VPS13D: variants seen among roughly 807,000 people sequenced by gnomAD.
The protein encoded by VPS13D is vacuolar protein sorting 13 homolog D.
VPS13D carries 187 observed loss-of-function variants against 461.9 expected under a neutral mutation model. That is an observed-to-expected ratio of 0.40 (90% CI 0.36 to 0.46). The LOEUF (loss-of-function observed/expected upper bound fraction) is 0.46, where lower values mean the gene tolerates loss of function less well. Ranked by LOEUF, VPS13D falls within the 20% of genes least tolerant of loss-of-function variation. The probability of loss-of-function intolerance (pLI) is 0.60; values close to 1 mark genes in which losing one functional copy is unlikely to be tolerated. For synonymous variants in VPS13D, 1,951 were observed against 1,986.3 expected (o/e 0.98, Z 0.47); for missense variants, 4,711 against 5,364.9 (o/e 0.88, Z 3.81).
intron 67 of VPS13D, among the ~76,000 whole-genome samples, chr1:12,477,803 T>C (rs2100471838): frequency 6.6e-6 from 1 of 152,308 alleles, no homozygotes; most frequent in African/African-American, 2.4e-5. Flanking sequence ...AATTTTTTTT[T>C]TCTACATTAA....
chr1:12,242,466 A>G (rs751124443), intron 2 of VPS13D, 47 bp from the exon 3 acceptor site: 20 of 1,534,080 alleles, frequency 1.3e-5, no homozygotes, highest in Non-Finnish European at 1.7e-5. Flanking sequence ...TAGGTGGCCT[A>G]CTGTATTTGT....
At chr1:12,236,156 G>A (rs1160175448) in intron 2 of VPS13D, among the ~76,000 whole-genome samples, 4 of 152,142 alleles carry the variant, frequency 2.6e-5, no homozygotes, top group Non-Finnish European at 4.4e-5. Flanking sequence ...CTTGAAGAAT[G>A]CTTCTCCGCA....
At chr1:12,316,707 T>C (rs1033233458) in intron 30 of VPS13D, among the ~76,000 whole-genome samples, 7 of 152,168 alleles carry the variant, frequency 4.6e-5, no homozygotes, top group African/African-American at 1.7e-4. Flanking sequence ...TTTTCCCACA[T>C]AGGAATACCT....
At chr1:12,281,924 G>T (rs1050817012) in intron 20 of VPS13D, among the ~76,000 whole-genome samples, 1 of 147,172 alleles carries the variant, frequency 6.8e-6, no homozygotes, top group African/African-American at 2.5e-5. Flanking sequence ...GTCTCACTCT[G>T]TGGCCCAGGC....
intron 30 of VPS13D, among the ~76,000 whole-genome samples, chr1:12,315,703 C>T (rs1368282680): frequency 7.2e-5 from 11 of 152,248 alleles, no homozygotes; most frequent in African/African-American, 2.6e-4. Flanking sequence ...TCAGGTGTCT[C>T]GTCATTGGGC....
At chr1:12,435,744 C>T (rs915828758) in intron 65 of VPS13D, among the ~76,000 whole-genome samples, 5 of 151,174 alleles carry the variant, frequency 3.3e-5, no homozygotes, top group African/African-American at 1.2e-4. Context: ...AACCTCTCTG[C>T]GATATATTTG....
At chr1:12,310,141 C>G (rs913119090) in intron 27 of VPS13D, among the ~76,000 whole-genome samples, 1 of 152,182 alleles carries the variant, frequency 6.6e-6, no homozygotes, top group African/African-American at 2.4e-5. Context: ...TAAACTTTCC[C>G]CACTCCCATC....
intron 34 of VPS13D, among the ~76,000 whole-genome samples, chr1:12,323,317 C>A (rs556082075): frequency 6.6e-6 from 1 of 152,030 alleles, no homozygotes; most frequent in Non-Finnish European, 1.5e-5. Context: ...CTCGAGTAGT[C>A]CCCCTGCCTT....
chr1:12,274,424 G>A (rs1641547680), intron 18 of VPS13D, among the ~76,000 whole-genome samples: 1 of 151,894 alleles, frequency 6.6e-6, no homozygotes, highest in Non-Finnish European at 1.5e-5. Flanking sequence ...TGATCTACCT[G>A]TCTTGGCGAC....
In VPS13D at chr1:12,403,969, T is replaced by A. The variant is rs1644614259; in HGVS notation, c.12026T>A (p.Leu4009His). The A allele has an allele frequency of 6.3e-7, 1 of 1,587,504 alleles. No individual in the cohort carries two copies. Residue 4009 changes from leucine (L) to histidine (H), a missense_variant, in exon 63 of 70, where the codon CTT becomes CAT. By Grantham distance (99) the Leu-to-His change is moderately conservative. Around this residue, in one of 3 missense-constraint regions of VPS13D, gnomAD observed 4,411 missense variants for 4,937.8 expected, o/e 0.89. Coordinates refer to ENST00000620676, the MANE Select transcript of VPS13D (RefSeq NM_015378.4). ...ACCTCCAACAAGCTCCCATTGGATC[T>A]TAAGGTGAGCTGCTATTTGGGTAAA... Reference protein sequence around the residue: ...VFTSNKLPLDLKALKSTLGFP... With the variant: ...VFTSNKLPLDHKALKSTLGFP...
At chr1:12,238,472 A>T (rs1408371822) in intron 2 of VPS13D, among the ~76,000 whole-genome samples, 2 of 151,768 alleles carry the variant, frequency 1.3e-5, no homozygotes, top group Non-Finnish European at 2.9e-5. Flanking sequence ...TTACAAAAAA[A>T]TTTTAAAGCA....
chr1:12,487,297 A>C (rs1645810110), intron 67 of VPS13D, among the ~76,000 whole-genome samples: 1 of 152,154 alleles, frequency 6.6e-6, no homozygotes, highest in Non-Finnish European at 1.5e-5. Flanking sequence ...AGGCTGAGTG[A>C]ACAGGCGGTC....
intron 56 of VPS13D, 38 bp downstream of exon 56, chr1:12,378,629 T>G (rs1171638777): frequency 6.8e-7 from 1 of 1,478,082 alleles, no homozygotes; most frequent in South Asian, 1.4e-5. Flanking sequence ...AGCTCATTGC[T>G]TTCAAATTCA....
rs183332861 is a variant in VPS13D, at chr1:12,483,783, A to T, written c.12663-13717A>T. On this transcript the variant is annotated intron_variant, in intron 67 of 69. Coordinates refer to ENST00000620676, the MANE Select transcript of VPS13D (RefSeq NM_015378.4). The stretch of plus-strand genomic sequence containing the variant: ...GGGAGGCCGAGGTGGGCGGATCACG[A>T]GGTCAGGAGTTCGAGACCAGCCTGA... 2.4e-3 allele frequency among the ~76,000 whole-genome samples: 361 copies of T among 152,176 alleles called. 3 individuals carry two copies. The highest frequency in any genetic ancestry group is 3.8e-3 in the Non-Finnish European group (256 of 68,000).
In VPS13D at chr1:12,266,920, C is replaced by CCT; in HGVS notation, c.1636_1637dup (p.Leu547ArgfsTer25). On this transcript the variant is annotated frameshift_variant, in exon 14 of 70. Transcript: ENST00000620676. LOFTEE classifies it high-confidence loss of function. ...GCAGAGTCTCTTCCTCGAAGAAATTCCTCGTTGCTTTCAGTCCGGTTGGGT... is the reference window on the plus strand; with the variant it reads ...GCAGAGTCTCTTCCTCGAAGAAATTCCTCTCGTTGCTTTCAGTCCGGTTGGGT... The CCT allele has an allele frequency of 6.2e-7, 1 of 1,604,732 alleles. No individual in the cohort carries two copies.
In VPS13D at chr1:12,491,174, A is replaced by T. The variant is rs193033732; in HGVS notation, c.12663-6326A>T. On this transcript the variant is annotated intron_variant, in intron 67 of 69. Transcript: ENST00000620676. ...TGATTAAAACAAAAGCCCTGGACACATACATAAAGTGAATGCAAGCACAAC... is the reference window on the plus strand; with the variant it reads ...TGATTAAAACAAAAGCCCTGGACACTTACATAAAGTGAATGCAAGCACAAC... Among the ~76,000 whole-genome samples, 11 of 152,358 alleles carry T rather than the reference A, an allele frequency of 7.2e-5. No homozygotes were observed. In the East Asian group the frequency reaches 2.1e-3, roughly 29 times the overall value.
rs759142168 is a variant in VPS13D, at chr1:12,335,845, A to G, written c.8551+18A>G. ...TGGACAAAGTAAGAGTTTTCACTAC[A>G]TGTGTTTAACTAAATCACTTTTGAC... is the stretch of plus-strand genomic sequence containing the variant. On this transcript the variant is annotated intron_variant, in intron 39 of 69. Coordinates refer to ENST00000620676, the MANE Select transcript of VPS13D (RefSeq NM_015378.4). 8.1e-6 allele frequency: 13 copies of G among 1,613,940 alleles called. No individual in the cohort carries two copies. The highest frequency in any genetic ancestry group is 2.2e-5 in the East Asian group (1 of 44,864).
chr1:12,433,609 C>T (rs1645020783), intron 65 of VPS13D, among the ~76,000 whole-genome samples: 1 of 152,252 alleles, frequency 6.6e-6, no homozygotes, highest in African/African-American at 2.4e-5. Context: ...TGACTGCCTT[C>T]TGTGTCTGTG....
chr1:12,479,704 C>T (rs1026361945), intron 67 of VPS13D, among the ~76,000 whole-genome samples: 2 of 152,152 alleles, frequency 1.3e-5, no homozygotes, highest in Non-Finnish European at 2.9e-5. Flanking sequence ...CTCGGTCCCT[C>T]ACATCGAAAG....
Sources: gnomAD v4.1 joint callset for allele counts (sites outside exome capture counted in the v4.1 genomes callset) on GRCh38, gnomAD v4.1.1 for gene constraint, gnomAD v4.1.1 regional missense constraint, MANE v1.5 for transcripts, NCBI Gene and HGNC (gene_info 2026-07-23, HGNC 2026-07-21) for gene names.